PRKAR2A: variants seen among roughly 807,000 people sequenced by gnomAD.
PRKAR2A encodes the protein cAMP-dependent protein kinase type II-alpha regulatory subunit.
A neutral mutation model predicts 51.9 loss-of-function variants in PRKAR2A; 29 were observed. That is an observed-to-expected ratio of 0.56 (90% confidence interval 0.42 to 0.76). The LOEUF (loss-of-function observed/expected upper bound fraction) is 0.76, where lower values mean the gene tolerates loss of function less well. Ranked by LOEUF, PRKAR2A falls within the 30% of genes least tolerant of loss-of-function variation. PRKAR2A has a pLI of 0.00. For synonymous variants in PRKAR2A, 178 were observed against 186.2 expected (o/e 0.96, Z 0.36); for missense variants, 445 against 512.1 (o/e 0.87, Z 1.26).
chr3:48,844,049 A>G (rs2083422236), intron 1 of PRKAR2A, among the ~76,000 whole-genome samples: 1 of 150,418 alleles, frequency 6.6e-6, no homozygotes, highest in Non-Finnish European at 1.5e-5. Context: ...GTGAACAGGC[A>G]ACCTACAAAA....
intron 1 of PRKAR2A, among the ~76,000 whole-genome samples, chr3:48,813,932 T>A (rs1465056532): frequency 1.3e-5 from 2 of 152,036 alleles, no homozygotes; most frequent in East Asian, 3.9e-4. Flanking sequence ...AAGACCAACC[T>A]GGCCAACATG....
In PRKAR2A at chr3:48,773,052, T is replaced by A. The variant is rs771219111; in HGVS notation, c.599A>T (p.Tyr200Phe). 6.2e-7 allele frequency: 1 copy of A among 1,613,788 alleles called. No individual in the cohort carries two copies. Among genetic ancestry groups the A allele is most frequent in the Non-Finnish European group, 8.5e-7 (1 of 1,179,792 alleles). ...KDNQTRSVGQ[Y>F]DNRGSFGELA... ...TTCTCCAAAACTGCCACGGTTGTCA[T>A]ATTGACCAACAGAGCGGGTTTGATT... The change falls in exon 6 of 11, where the codon TAT becomes TTT. Residue 200 changes from tyrosine (Y) to phenylalanine (F), a missense_variant. Tyr to Phe is a conservative substitution (Grantham distance 22). Transcript: ENST00000265563.
In PRKAR2A at chr3:48,829,871, ATT is replaced by A. The variant is rs763726926; in HGVS notation, c.262+17462_262+17463del. On this transcript the variant is annotated intron_variant, in intron 1 of 10. Coordinates refer to ENST00000265563, the MANE Select transcript of PRKAR2A (RefSeq NM_004157.4). ...TGTATATATATATATATATATATATATTTTTTTTTTTTTTTTAAGCTTTTTTG... is the reference window on the plus strand; with the variant it reads ...TGTATATATATATATATATATATATATTTTTTTTTTTTTTAAGCTTTTTTG... Among the ~76,000 whole-genome samples the A allele has an allele frequency of 9.9e-3, 870 of 87,690 alleles. 9 individuals carry two copies. The highest frequency in any genetic ancestry group is 0.011 in the Non-Finnish European group (539 of 49,348). 57.5% of individuals were successfully genotyped at this position (87,690 alleles called of 152,430 possible).
intron 6 of PRKAR2A, among the ~76,000 whole-genome samples, chr3:48,765,861 C>G (rs1474609002): frequency 1.4e-5 from 2 of 146,908 alleles, no homozygotes; most frequent in African/African-American, 5.0e-5. Flanking sequence ...AAAAAAAGAA[C>G]AATTAGATTG....
chr3:48,834,726 GAA>G (rs567543851), intron 1 of PRKAR2A, among the ~76,000 whole-genome samples: 14 of 49,684 alleles, frequency 2.8e-4, no homozygotes, highest in African/African-American at 8.4e-4. Context: ...CCTGTCTCAA[GAA>G]AAAAAAAAAA....
In PRKAR2A at chr3:48,829,195, C is replaced by A. The variant is rs183839993; in HGVS notation, c.262+18140G>T. ...TTTGAGACCAGCTTGGGTAACAGAG[C>A]AAAATCTCCTCTCTATTAAAACAGA... On this transcript the variant is annotated intron_variant, in intron 1 of 10. Transcript: ENST00000265563. Among the ~76,000 whole-genome samples, 7 of 151,664 alleles carry A rather than the reference C, an allele frequency of 4.6e-5. No homozygotes were observed. The South Asian group carries it at 1.5e-3, about 32-fold the overall frequency.
chr3:48,788,069 C>T (rs779251675), intron 4 of PRKAR2A, among the ~76,000 whole-genome samples: 45 of 152,216 alleles, frequency 3.0e-4, no homozygotes, highest in African/African-American at 1.0e-3. Flanking sequence ...CTCATTCTCT[C>T]GCCAAGGCTG....
In PRKAR2A at chr3:48,846,047, A is replaced by G. The variant is rs562868182; in HGVS notation, c.262+1288T>C. Among the ~76,000 whole-genome samples the G allele has an allele frequency of 7.2e-5, 11 of 151,934 alleles. No individual in the cohort carries two copies. The South Asian group carries it at 2.3e-3, about 32-fold the overall frequency. On this transcript the variant is annotated intron_variant, in intron 1 of 10. Transcript: ENST00000265563. ...CTCGGTCCTTATTGCGTACTCTTGG[A>G]GTTTATTGCAAACTCTTGGAGAAGG...
chr3:48,845,474 T>C (rs1327439432), intron 1 of PRKAR2A, among the ~76,000 whole-genome samples: 1 of 152,184 alleles, frequency 6.6e-6, no homozygotes, highest in Non-Finnish European at 1.5e-5. Context: ...TAGTTTTGTG[T>C]GTGTGTGATC....
chr3:48,838,997 G>A (rs1281567570), intron 1 of PRKAR2A, among the ~76,000 whole-genome samples: 1 of 149,490 alleles, frequency 6.7e-6, no homozygotes. Context: ...AAAAAAAATT[G>A]TTATGGTTGG....
chr3:48,791,486 C>T (rs2082385049), intron 3 of PRKAR2A, among the ~76,000 whole-genome samples: 1 of 145,840 alleles, frequency 6.9e-6, no homozygotes. Flanking sequence ...CCTAGCTACT[C>T]GGGATGCTGA....
chr3:48,823,780 C>A (rs1156555802), intron 1 of PRKAR2A, among the ~76,000 whole-genome samples: 3 of 142,248 alleles, frequency 2.1e-5, no homozygotes, highest in African/African-American at 7.9e-5. Flanking sequence ...AGAAATACCC[C>A]GTCTCCAAAA....
intron 6 of PRKAR2A, among the ~76,000 whole-genome samples, chr3:48,767,796 C>T (rs139340661): frequency 1.8e-4 from 27 of 151,788 alleles, no homozygotes; most frequent in African/African-American, 4.8e-4. Context: ...TGGCGGCACG[C>T]GCCTGCAGTC....
At chr3:48,770,669 G>C (rs1034916102) in intron 6 of PRKAR2A, among the ~76,000 whole-genome samples, 3 of 152,180 alleles carry the variant, frequency 2.0e-5, no homozygotes, top group African/African-American at 4.8e-5. Context: ...AAGAGGAAAT[G>C]ACTGCCAAAG....
chr3:48,807,200 A>G (rs1414014672), intron 2 of PRKAR2A, among the ~76,000 whole-genome samples: 3 of 152,156 alleles, frequency 2.0e-5, no homozygotes, highest in South Asian at 4.1e-4. Context: ...TTCTCCCAGT[A>G]GCCTAATCTG....
intron 5 of PRKAR2A, 35 bp downstream of exon 5, chr3:48,782,951 G>T: frequency 7.2e-7 from 1 of 1,395,000 alleles, no homozygotes; most frequent in Non-Finnish European, 1.0e-6. Flanking sequence ...ATCCGATTAA[G>T]TGTGGCCACA....
intron 1 of PRKAR2A, among the ~76,000 whole-genome samples, chr3:48,826,516 T>C (rs2083069694): frequency 6.6e-6 from 1 of 152,142 alleles, no homozygotes; most frequent in African/African-American, 2.4e-5. Flanking sequence ...AATTTTGTGT[T>C]GAGAGTTTTT....
At chr3:48,813,033 G>A (rs899882382) in intron 1 of PRKAR2A, among the ~76,000 whole-genome samples, 8 of 151,980 alleles carry the variant, frequency 5.3e-5, no homozygotes, top group Admixed American at 1.3e-4. Flanking sequence ...AGAATAGGAG[G>A]TACCTCTTCT....
chr3:48,766,630 G>A (rs2081947187), intron 6 of PRKAR2A, among the ~76,000 whole-genome samples: 1 of 152,108 alleles, frequency 6.6e-6, no homozygotes, highest in South Asian at 2.1e-4. Context: ...CATATGAAAT[G>A]TGCTTGATGA....
Sources: allele counts gnomAD v4.1 joint callset (sites outside exome capture counted in the v4.1 genomes callset), GRCh38; gene constraint gnomAD v4.1.1; transcripts MANE v1.5; gene names NCBI Gene and HGNC (gene_info 2026-07-23, HGNC 2026-07-21).